The following TMEM132D variants were observed in gnomAD, a reference collection of about 807,000 sequenced individuals.
The protein encoded by TMEM132D is mature OL transmembrane protein.
In TMEM132D, 21 loss-of-function variants were observed where a neutral mutation model predicts 62.3. The ratio of observed to expected loss-of-function variants is 0.34; its 90% CI spans 0.24 to 0.49. The LOEUF (loss-of-function observed/expected upper bound fraction) is 0.49. Ranked by LOEUF, TMEM132D falls within the 20% of genes least tolerant of loss-of-function variation. TMEM132D has a pLI of 0.99. For synonymous variants in TMEM132D, 621 were observed against 575.6 expected (o/e 1.08, Z -1.13); for missense variants, 1,346 against 1,402.8 (o/e 0.96, Z 0.65).
intron 1 of TMEM132D, among the ~76,000 whole-genome samples, chr12:129,758,529 T>A (rs575102694): frequency 9.2e-5 from 14 of 152,298 alleles, no homozygotes; most frequent in African/African-American, 3.1e-4. Flanking sequence ...CCTGTTTTAT[T>A]CTCCTATTCC....
At chr12:129,634,098 G>A (rs926846610) in intron 2 of TMEM132D, among the ~76,000 whole-genome samples, 14 of 152,192 alleles carry the variant, frequency 9.2e-5, no homozygotes, top group East Asian at 7.7e-4. Context: ...CCTCCCTGGC[G>A]TTGTCACGTG....
intron 2 of TMEM132D, among the ~76,000 whole-genome samples, chr12:129,623,662 TAC>T (rs990106369): frequency 1.4e-5 from 2 of 144,376 alleles, no homozygotes; most frequent in African/African-American, 5.1e-5. Context: ...TATATATATA[TAC>T]ATATATATAC....
chr12:129,655,596 C>T (rs1880051804), intron 2 of TMEM132D, among the ~76,000 whole-genome samples: 1 of 151,794 alleles, frequency 6.6e-6, no homozygotes. Flanking sequence ...CAGGGGAGTG[C>T]AGGGGACTCT....
chr12:129,258,978 T>C (rs1031790566), intron 4 of TMEM132D, among the ~76,000 whole-genome samples: 1 of 152,112 alleles, frequency 6.6e-6, no homozygotes, highest in African/African-American at 2.4e-5. Context: ...ATTATAAGGA[T>C]GTGAGATAAT....
rs535105130 is a variant in TMEM132D at position 129,429,251 on chromosome 12, C to T, written c.1116-91434G>A. 3.9e-5 allele frequency among the ~76,000 whole-genome samples: 6 copies of T among 152,322 alleles called. 1 individual carries two copies. In the South Asian group the frequency reaches 1.2e-3, roughly 32 times the overall value. Reference sequence around the variant, plus strand: ...CTGCTCTGCACTTGATGGGAAGAGCCTGGATTCAGAGTTAGACGAGCTGAA... The same window carrying T: ...CTGCTCTGCACTTGATGGGAAGAGCTTGGATTCAGAGTTAGACGAGCTGAA... On this transcript the variant is annotated intron_variant, in intron 3 of 8. Transcript: ENST00000422113.
chr12:129,322,783 T>A (rs1021067987), intron 4 of TMEM132D, among the ~76,000 whole-genome samples: 8 of 152,128 alleles, frequency 5.3e-5, no homozygotes, highest in African/African-American at 1.9e-4. Context: ...TACTTAATAC[T>A]CTCACATTAA....
At chr12:129,410,313 A>G (rs1165200772) in intron 3 of TMEM132D, among the ~76,000 whole-genome samples, 4 of 152,148 alleles carry the variant, frequency 2.6e-5, no homozygotes, top group Non-Finnish European at 5.9e-5. Flanking sequence ...TGATAAAGAC[A>G]TACTCGAGAC....
intron 1 of TMEM132D, among the ~76,000 whole-genome samples, chr12:129,777,512 C>T (rs555538377): frequency 2.6e-5 from 4 of 152,252 alleles, no homozygotes; most frequent in African/African-American, 7.2e-5. Context: ...TGGCTCCTAG[C>T]GTCCAAGCAG....
intron 5 of TMEM132D, among the ~76,000 whole-genome samples, chr12:129,104,986 G>T (rs1469512334): frequency 6.8e-6 from 1 of 146,982 alleles, no homozygotes; most frequent in African/African-American, 2.6e-5. Flanking sequence ...TCAGTGTGGC[G>T]ATTCCTCAGG....
At chr12:129,505,142 A>G (rs1435411771) in intron 3 of TMEM132D, among the ~76,000 whole-genome samples, 5 of 151,920 alleles carry the variant, frequency 3.3e-5, no homozygotes, top group African/African-American at 2.4e-5. Flanking sequence ...CATATGGTCT[A>G]TCTTGGAGAA....
In TMEM132D at chr12:129,843,815, A is replaced by T. The variant is rs185339401; in HGVS notation, c.79+59446T>A. Among the ~76,000 whole-genome samples the T allele has an allele frequency of 2.7e-3, 412 of 152,306 alleles. 2 individuals are homozygous for T. The highest frequency in any genetic ancestry group is 6.3e-3 in the Admixed American group (96 of 15,300). On this transcript the variant is annotated intron_variant, in intron 1 of 8. Coordinates refer to ENST00000422113, the MANE Select transcript of TMEM132D (RefSeq NM_133448.3). ...ATCAGAACTTATCAAATGGCCAGGCATGATGGCTCATGCTTATAATTCCAG... is the reference window on the plus strand; with the variant it reads ...ATCAGAACTTATCAAATGGCCAGGCTTGATGGCTCATGCTTATAATTCCAG...
In TMEM132D at chr12:129,792,540, G is replaced by A. The variant is rs116506471; in HGVS notation, c.80-91842C>T. On this transcript the variant is annotated intron_variant, in intron 1 of 8. Coordinates refer to ENST00000422113, the MANE Select transcript of TMEM132D (RefSeq NM_133448.3). ...ACCGAAAACCTGTGAGGCACCAGGCGCTGTGCTGAGCATGGGAAACAAATG... is the reference window on the plus strand; with the variant it reads ...ACCGAAAACCTGTGAGGCACCAGGCACTGTGCTGAGCATGGGAAACAAATG... 7.3e-3 allele frequency among the ~76,000 whole-genome samples: 1,118 copies of A among 152,228 alleles called. 16 individuals carry two copies. The highest frequency in any genetic ancestry group is 0.026 in the African/African-American group (1,076 of 41,524).
chr12:129,631,721 T>C (rs1177652269), intron 2 of TMEM132D, among the ~76,000 whole-genome samples: 5 of 152,156 alleles, frequency 3.3e-5, no homozygotes, highest in African/African-American at 1.2e-4. Flanking sequence ...CAAAGTCTTG[T>C]CTCCCAGGGA....
At chr12:129,693,861 G>A (rs1881126228) in intron 2 of TMEM132D, among the ~76,000 whole-genome samples, 1 of 152,172 alleles carries the variant, frequency 6.6e-6, no homozygotes, top group Non-Finnish European at 1.5e-5. Flanking sequence ...ACAAGCTTGT[G>A]CAGCTACTGC....
rs750720403 is a variant in TMEM132D, at chr12:129,081,986, G to A, written c.1696C>T (p.Arg566Cys). 9 of 1,612,966 alleles carry A rather than the reference G, an allele frequency of 5.6e-6. No homozygotes were observed. Among genetic ancestry groups the A allele is most frequent in the East Asian group, 2.2e-5 (1 of 44,852 alleles). ...TGCTGGTACTGCAGGGTGCAGCCGC[G>A]GCCCCTCCGCTCATCATCCTCCTCC... ...EEEEDDERRG[R>C]GCTLQYQHAM... is the part of the protein sequence containing the mutation. The change falls in exon 7 of 9, where the codon CGC becomes TGC. Residue 566 changes from arginine to cysteine, a missense_variant. Transcript: ENST00000422113.
At chr12:129,614,025 G>A (rs1203706282) in intron 2 of TMEM132D, among the ~76,000 whole-genome samples, 2 of 151,602 alleles carry the variant, frequency 1.3e-5, no homozygotes, top group African/African-American at 2.4e-5. Flanking sequence ...CAGAACCCAG[G>A]TGACTGTCTC....
chr12:129,699,148 G>A (rs947495809), intron 2 of TMEM132D, among the ~76,000 whole-genome samples: 11 of 152,112 alleles, frequency 7.2e-5, no homozygotes, highest in African/African-American at 1.7e-4. Context: ...TCTCTCATAC[G>A]TTATATTCCA....
intron 5 of TMEM132D, among the ~76,000 whole-genome samples, chr12:129,185,347 T>A (rs1409129595): frequency 1.3e-5 from 2 of 152,142 alleles, no homozygotes; most frequent in Non-Finnish European, 2.9e-5. Context: ...TATTTTCAAT[T>A]CAAAAGAACT....
intron 1 of TMEM132D, among the ~76,000 whole-genome samples, chr12:129,788,598 T>C (rs1285953501): frequency 6.6e-6 from 1 of 152,214 alleles, no homozygotes; most frequent in Non-Finnish European, 1.5e-5. Flanking sequence ...ACACAAAATA[T>C]TTAAGCAAAG....
Sources: gnomAD v4.1 joint callset for allele counts (sites outside exome capture counted in the v4.1 genomes callset) on GRCh38, gnomAD v4.1.1 for gene constraint, MANE v1.5 for transcripts, NCBI Gene and HGNC (gene_info 2026-07-23, HGNC 2026-07-21) for gene names.